The following ZNF600 variants were observed in gnomAD, a reference collection of about 807,000 sequenced individuals.
ZNF600 encodes the protein zinc finger protein 600, also known as zinc finger protein KR-ZNF1.
ZNF600 carries 4 observed loss-of-function variants against 7.3 expected under a neutral mutation model. That is an observed-to-expected ratio of 0.55 (90% CI 0.27 to 1.25). ZNF600 has a LOEUF of 1.25. ZNF600 is among the 50% of genes most tolerant of loss of function. The pLI, the probability that ZNF600 is intolerant of heterozygous loss-of-function variation, is 0.12. For synonymous variants in ZNF600, 290 were observed against 308.9 expected, an observed-to-expected ratio of 0.94 and a Z score of 0.64; for missense variants, 911 against 922.1, an observed-to-expected ratio of 0.99 and a Z score of 0.16.
chr19:52,771,060 C>T lies in ZNF600; in HGVS notation c.191-3288G>A, dbSNP rs1304152622. 2.6e-5 allele frequency among the ~76,000 whole-genome samples: 4 copies of T among 152,052 alleles called. No individual in the cohort carries two copies. The East Asian group carries it at 5.8e-4, about 22-fold the overall frequency. On this transcript the variant is annotated intron_variant, in intron 3 of 3. Coordinates refer to ENST00000648973, the Ensembl canonical transcript of ZNF600. ...GTTGGTCAGGCTCGTTTCAATCTCC[C>T]GACCTCATGTGATTTGGCCGTCTTA...
At chr19:52,778,797 G>A (rs2062696993) in intron 2 of ZNF600, 29 bp downstream of exon 4, 1 of 1,591,250 alleles carries the variant, frequency 6.3e-7, no homozygotes, top group African/African-American at 1.4e-5. Context: ...GAAAGAGACA[G>A]ATTAATCCAC....
At chr19:52,818,121 G>A in the ZNF600 span, 3 of 1,296,854 alleles carry the variant, frequency 2.3e-6, no homozygotes, top group Non-Finnish European at 3.1e-6. Context: ...ACTTCACCTT[G>A]AGGAAATATG....
At chr19:52,794,847 CTT>C in the ZNF600 span, among the ~76,000 whole-genome samples, 320 of 152,012 alleles carry the variant, frequency 2.1e-3, 4 homozygotes, top group African/African-American at 7.2e-3. Flanking sequence ...GAGTGACACT[CTT>C]GTCTCAAAAA....
At chr19:52,803,888 T>A in the ZNF600 span, among the ~76,000 whole-genome samples, 1 of 152,034 alleles carries the variant, frequency 6.6e-6, no homozygotes, top group Admixed American at 6.6e-5. Flanking sequence ...ACCCAGAAGG[T>A]GAAGGTTGCA....
the ZNF600 span, among the ~76,000 whole-genome samples, chr19:52,823,902 T>C: frequency 6.6e-6 from 1 of 151,504 alleles, no homozygotes; most frequent in African/African-American, 2.4e-5. Context: ...ATCTCTCCTA[T>C]AAATACAAAA....
At chr19:52,827,772 C>T in the ZNF600 span, among the ~76,000 whole-genome samples, 1 of 151,998 alleles carries the variant, frequency 6.6e-6, no homozygotes, top group African/African-American at 2.4e-5. Flanking sequence ...GTCTCGATCT[C>T]CTGACCTCAT....
chr19:52,802,034 A>G, the ZNF600 span, among the ~76,000 whole-genome samples: 1 of 152,232 alleles, frequency 6.6e-6, no homozygotes, highest in Non-Finnish European at 1.5e-5. Context: ...CATCAAAAAA[A>G]GAAAAATATA....
the ZNF600 span, chr19:52,810,671 G>T: frequency 1.0e-6 from 1 of 972,440 alleles, no homozygotes; most frequent in South Asian, 1.3e-5. Flanking sequence ...GTCTACAGGG[G>T]CCGGGCTAGA....
chr19:52,794,789 G>A, the ZNF600 span, among the ~76,000 whole-genome samples: 1 of 152,110 alleles, frequency 6.6e-6, no homozygotes, highest in Non-Finnish European at 1.5e-5. Context: ...GGGAGATGGA[G>A]GTTGCAGTGA....
chr19:52,784,529 T>G (rs2062748948), intron 1 of ZNF600, among the ~76,000 whole-genome samples: 1 of 152,184 alleles, frequency 6.6e-6, no homozygotes, highest in Non-Finnish European at 1.5e-5. Flanking sequence ...GACTCACAAC[T>G]GAATAACTGG....
chr19:52,794,469 G>A, the ZNF600 span, among the ~76,000 whole-genome samples: 1 of 152,160 alleles, frequency 6.6e-6, no homozygotes, highest in South Asian at 2.1e-4. Context: ...GTTATCCTGA[G>A]AAGCTCCGAG....
At chr19:52,767,822 T>A in intron 3 of ZNF600, 50 bp from the exon 6 acceptor site, 1 of 1,518,262 alleles carries the variant, frequency 6.6e-7, no homozygotes, top group Non-Finnish European at 8.8e-7. Context: ...AGATGGTAAA[T>A]CATACTGAAG....
chr19:52,771,166 G>A (rs768691059), intron 3 of ZNF600, among the ~76,000 whole-genome samples: 8 of 152,032 alleles, frequency 5.3e-5, no homozygotes, highest in Non-Finnish European at 8.8e-5. Flanking sequence ...AGACAGTAAA[G>A]AGCTCATTGC....
chr19:52,812,764 A>T, the ZNF600 span, among the ~76,000 whole-genome samples: 98 of 10,878 alleles, frequency 9.0e-3, no homozygotes, highest in East Asian at 0.18. Context: ...ATGATCAATA[A>T]AAAAAAAAAA....
the ZNF600 span, among the ~76,000 whole-genome samples, chr19:52,809,485 G>A: frequency 6.6e-6 from 1 of 152,196 alleles, no homozygotes; most frequent in Non-Finnish European, 1.5e-5. Context: ...TGAGGGTGGA[G>A]GGTGGGAGGA....
the ZNF600 span, among the ~76,000 whole-genome samples, chr19:52,792,819 G>A: frequency 4.6e-5 from 7 of 150,962 alleles, no homozygotes; most frequent in Non-Finnish European, 8.9e-5. Flanking sequence ...TGCAAGCTCC[G>A]CCTCCCAGCT....
In ZNF600 at chr19:52,768,547, A is replaced by G. The variant is rs138711801; in HGVS notation, c.191-775T>C. 5.9e-3 allele frequency among the ~76,000 whole-genome samples: 893 copies of G among 152,158 alleles called. 9 individuals are homozygous for G. Among genetic ancestry groups the G allele is most frequent in the Non-Finnish European group, 7.2e-3 (487 of 68,002 alleles). The stretch of plus-strand genomic sequence containing the variant: ...CAGGCACTTAATGACTTTTCAAAAA[A>G]TTTTTGTATTTTTATTTTTTTGAGA... On this transcript the variant is annotated intron_variant, in intron 3 of 3. Transcript: ENST00000648973.
At chr19:52,807,948 A>G in the ZNF600 span, 2 of 1,608,458 alleles carry the variant, frequency 1.2e-6, no homozygotes, top group Non-Finnish European at 1.7e-6. Context: ...GGCTCCCAAG[A>G]GGCAACAAGA....
exon 4 of ZNF600, chr19:52,765,267 C>G (rs2062559316): frequency 1.7e-6 from 1 of 597,216 alleles, no homozygotes; most frequent in Non-Finnish European, 3.3e-6. Flanking sequence ...AGATTTCTGT[C>G]CAGTAGGGAT....
Sources: allele counts gnomAD v4.1 joint callset (sites outside exome capture counted in the v4.1 genomes callset), GRCh38; gene constraint gnomAD v4.1.1; transcripts MANE v1.5; gene names NCBI Gene and HGNC (gene_info 2026-07-23, HGNC 2026-07-21).